Variants in EBF2 observed in about 807,000 individuals in gnomAD.
The protein encoded by EBF2 is transcription factor COE2.
EBF2 carries 21 observed loss-of-function variants against 72.8 expected under a neutral mutation model. That is an observed-to-expected ratio of 0.29 (90% CI 0.20 to 0.42). EBF2 has a LOEUF of 0.42. Ranked by LOEUF, EBF2 falls within the 10% of genes least tolerant of loss-of-function variation. The pLI, the probability that EBF2 is intolerant of heterozygous loss-of-function variation, is 1.00. For missense variants in EBF2, 637 were observed against 731.2 expected (o/e 0.87, Z 1.49); for synonymous variants, 299 against 274.2 (o/e 1.09, Z -0.89).
intron 6 of EBF2, among the ~76,000 whole-genome samples, chr8:25,947,784 T>C (rs1425553029): frequency 6.6e-6 from 1 of 152,236 alleles, no homozygotes; most frequent in Admixed American, 6.5e-5. Flanking sequence ...TTCTTCATCT[T>C]CACCCAGTCT....
chr8:26,003,280 G>C (rs998636411), intron 6 of EBF2, among the ~76,000 whole-genome samples: 3 of 152,052 alleles, frequency 2.0e-5, no homozygotes, highest in African/African-American at 7.2e-5. Context: ...TTTTAGAAAG[G>C]AGCTGAATGC....
chr8:25,850,907 A>G, intron 14 of EBF2, 146 bp from the exon 15 acceptor site: 2 of 832,316 alleles, frequency 2.4e-6, no homozygotes, highest in Non-Finnish European at 3.6e-6. Context: ...ATGTGACAAC[A>G]TTCCCACCAT....
intron 6 of EBF2, among the ~76,000 whole-genome samples, chr8:25,975,225 G>A (rs1563197414): frequency 6.6e-6 from 1 of 152,054 alleles, no homozygotes; most frequent in Non-Finnish European, 1.5e-5. Context: ...GGGACTACAG[G>A]GGAAAATGAA....
At chr8:25,847,910 A>G (rs1025917065) in intron 15 of EBF2, among the ~76,000 whole-genome samples, 1 of 152,174 alleles carries the variant, frequency 6.6e-6, no homozygotes, top group African/African-American at 2.4e-5. Context: ...GAGACTACAT[A>G]TGGGGTACAG....
chr8:25,917,115 C>T (rs776964387), intron 6 of EBF2, among the ~76,000 whole-genome samples: 1 of 151,910 alleles, frequency 6.6e-6, no homozygotes, highest in Non-Finnish European at 1.5e-5. Context: ...CAATTTGATT[C>T]TCCACTTATT....
intron 6 of EBF2, among the ~76,000 whole-genome samples, chr8:26,002,709 T>C (rs948214724): frequency 1.3e-5 from 2 of 152,082 alleles, no homozygotes; most frequent in East Asian, 1.9e-4. Context: ...AAATAAATAA[T>C]GAGGGTAGTA....
chr8:25,926,205 C>G (rs1457911529), intron 6 of EBF2, among the ~76,000 whole-genome samples: 3 of 152,062 alleles, frequency 2.0e-5, no homozygotes, highest in Admixed American at 2.0e-4. Context: ...AGGGAGATCT[C>G]GTTGCTCTCG....
rs1465121302 is a variant in EBF2, at chr8:25,843,073, G to C, written c.*1536C>G. On this transcript the variant is annotated 3_prime_UTR_variant, in exon 16 of 16. Coordinates refer to ENST00000520164, the MANE Select transcript of EBF2 (RefSeq NM_022659.4). ...TTTCAAGAATCAACCACTGTTAGCAGCTAAGGCAAGGTTCTTCCCCTCTAA... is the reference window on the plus strand; with the variant it reads ...TTTCAAGAATCAACCACTGTTAGCACCTAAGGCAAGGTTCTTCCCCTCTAA... 6.6e-6 allele frequency: 1 copy of C among 152,182 alleles called. No individual in the cohort carries two copies. The highest frequency in any genetic ancestry group is 2.4e-5 in the African/African-American group (1 of 41,442). 9.4% of individuals were successfully genotyped at this position (152,182 alleles called of 1,614,324 possible).
intron 6 of EBF2, among the ~76,000 whole-genome samples, chr8:25,984,687 A>C (rs1477530190): frequency 1.3e-5 from 2 of 152,164 alleles, no homozygotes; most frequent in Admixed American, 1.3e-4. Flanking sequence ...ATCTCAAAAA[A>C]AAAAAAGACC....
chr8:25,858,817 C>T lies in EBF2; in HGVS notation c.1343-313G>A, dbSNP rs368994748. On this transcript the variant is annotated intron_variant, in intron 13 of 15. Transcript: ENST00000520164. ...TGGGATTACAGGCACCCTGCCATTG[C>T]GCCCGGCTAATTTTTGTACTTTTAG... Among the ~76,000 whole-genome samples the T allele has an allele frequency of 9.2e-4, 140 of 151,818 alleles. 4 individuals are homozygous for T. In the South Asian group the frequency reaches 0.019, roughly 21 times the overall value.
chr8:25,949,993 C>T (rs997867048), intron 6 of EBF2, among the ~76,000 whole-genome samples: 3 of 152,206 alleles, frequency 2.0e-5, no homozygotes, highest in Non-Finnish European at 2.9e-5. Context: ...CCAACAAGCA[C>T]GAGGCCAAGG....
intron 10 of EBF2, among the ~76,000 whole-genome samples, chr8:25,878,666 G>A (rs1484455466): frequency 1.3e-5 from 2 of 152,142 alleles, no homozygotes; most frequent in African/African-American, 4.8e-5. Context: ...CTAGAAAGTG[G>A]CCAGACTCCT....
At chr8:25,887,653 A>G (rs1053398722) in intron 9 of EBF2, among the ~76,000 whole-genome samples, 189 bp downstream of exon 9, 2 of 152,144 alleles carry the variant, frequency 1.3e-5, no homozygotes, top group Admixed American at 1.3e-4. Flanking sequence ...CCATCACTTT[A>G]CAATTCTAGA....
rs546015813 is a variant in EBF2 at position 25,896,831 on chromosome 8, A to G, written c.634-6962T>C. 5.3e-5 allele frequency among the ~76,000 whole-genome samples: 8 copies of G among 152,308 alleles called. No homozygotes were observed. In the South Asian group the frequency reaches 8.3e-4, roughly 16 times the overall value. ...TTTTGTCTAAGCCTCCATTAATTCA[A>G]TCCAGGCTAACAACTAACAAATGGG... On this transcript the variant is annotated intron_variant, in intron 7 of 15. Coordinates refer to ENST00000520164, the MANE Select transcript of EBF2 (RefSeq NM_022659.4).
At chr8:26,028,738 A>G (rs1042574297) in intron 6 of EBF2, among the ~76,000 whole-genome samples, 1 of 152,328 alleles carries the variant, frequency 6.6e-6, no homozygotes, top group Admixed American at 6.5e-5. Flanking sequence ...TGAGCCTTTT[A>G]TTTTTATTTA....
chr8:25,991,538 G>A (rs1341743167), intron 6 of EBF2, among the ~76,000 whole-genome samples: 1 of 152,152 alleles, frequency 6.6e-6, no homozygotes, highest in Non-Finnish European at 1.5e-5. Context: ...GGAGGGGTCT[G>A]GAAATGGGGG....
At chr8:25,850,226 C>T (rs537644333) in intron 15 of EBF2, among the ~76,000 whole-genome samples, 11 of 152,162 alleles carry the variant, frequency 7.2e-5, no homozygotes, top group Non-Finnish European at 1.6e-4. Context: ...GATTCTTCTC[C>T]CTCAGCCTCT....
At chr8:25,874,853 C>CTTTTTTTTTTTTTTTTTTTTT (rs1183233269) in intron 10 of EBF2, among the ~76,000 whole-genome samples, 2 of 99,574 alleles carry the variant, frequency 2.0e-5, no homozygotes, top group Non-Finnish European at 3.8e-5. Flanking sequence ...GCCTGGCTAA[C>CTTTTTTTTTTTTTTTTTTTTT]TTTTTTTTTT....
At chr8:25,903,187 GTT>G (rs542446501) in intron 7 of EBF2, among the ~76,000 whole-genome samples, 43 of 132,478 alleles carry the variant, frequency 3.2e-4, no homozygotes, top group East Asian at 1.3e-3. Flanking sequence ...TTTTGTCTGG[GTT>G]TTTTTTTTTT....
Sources: allele counts gnomAD v4.1 joint callset (sites outside exome capture counted in the v4.1 genomes callset), GRCh38; gene constraint gnomAD v4.1.1; transcripts MANE v1.5; gene names NCBI Gene and HGNC (gene_info 2026-07-23, HGNC 2026-07-21).